Variants in SMO observed in about 807,000 individuals in gnomAD.
SMO encodes the protein protein smoothened.
SMO carries 40 observed loss-of-function variants against 81.6 expected under a neutral mutation model. The ratio of observed to expected loss-of-function variants is 0.49; its 90% CI spans 0.38 to 0.64. The LOEUF (loss-of-function observed/expected upper bound fraction) is 0.64. SMO is among the 30% of genes least tolerant of loss of function. The pLI is 0.00. For synonymous variants in SMO, 434 were observed against 432.1 expected (o/e 1.00, Z -0.05); for missense variants, 916 against 1,061.1 (o/e 0.86, Z 1.90).
intron 1 of SMO, among the ~76,000 whole-genome samples, chr7:129,196,390 G>A (rs565800663): frequency 3.4e-4 from 52 of 150,840 alleles, no homozygotes; most frequent in Middle Eastern, 3.4e-3. Flanking sequence ...CTATTGTCCC[G>A]GCTGGTCTTG....
rs905584252 is a variant in SMO at position 129,208,926 on chromosome 7, G to A, written c.1357+75G>A. 12 of 1,003,248 alleles carry A rather than the reference G, an allele frequency of 1.2e-5. No individual in the cohort carries two copies. Among genetic ancestry groups the A allele is most frequent in the Middle Eastern group, 2.2e-4 (1 of 4,616 alleles). 62.1% of individuals were successfully genotyped at this position (1,003,248 alleles called of 1,614,324 possible). ...TGCACCCTCCTGGGGCTATGCGACC[G>A]GCAGGATGCAGTAAGTCAGTGGGAC... On this transcript the variant is annotated intron_variant, in intron 7 of 11. Coordinates refer to ENST00000249373, the MANE Select transcript of SMO (RefSeq NM_005631.5). The surrounding 1 kb of genome is among the most constrained non-coding windows in gnomAD (Gnocchi z 5.2).
At chr7:129,205,872 G>A (rs1793757573) in intron 4 of SMO, 90 bp downstream of exon 4, 5 of 1,202,748 alleles carry the variant, frequency 4.2e-6, no homozygotes, top group Admixed American at 4.1e-5. Flanking sequence ...GTGTAAAACC[G>A]AGATCCAGGG....
rs553472619 is a variant in SMO, at chr7:129,188,791, G to C, written c.-361G>C. 1 of 205,846 alleles carries C rather than the reference G, an allele frequency of 4.9e-6. No individual in the cohort carries two copies. The highest frequency in any genetic ancestry group is 2.3e-5 in the African/African-American group (1 of 43,534). The allele number at this position is 205,846 out of a possible 1,614,324, so 12.8% of individuals were successfully genotyped here. ...CACTCGCACCCCCGGCCCGCGTCTG[G>C]CCTCCCTCGCGGGGCGGGGAGGTGG... is the stretch of plus-strand genomic sequence containing the variant. On this transcript the variant is annotated 5_prime_UTR_variant, in exon 1 of 12. Transcript: ENST00000249373. This position sits in a 1 kb window ranked among gnomAD's most constrained non-coding sequence, Gnocchi z 4.9.
chr7:129,189,141 CG>C lies in SMO; in HGVS notation c.-7del. ...GGCGCCGGGGCTTTTGCTGAGTTGG[CG>C]GGGTTGGCCATGGCCGCTGCCCGCC... On this transcript the variant is annotated 5_prime_UTR_variant, in exon 1 of 12. Coordinates refer to ENST00000249373, the MANE Select transcript of SMO (RefSeq NM_005631.5). The surrounding 1 kb of genome is among the most constrained non-coding windows in gnomAD (Gnocchi z 4.7). 8.4e-7 allele frequency: 1 copy of C among 1,193,868 alleles called. No individual in the cohort carries two copies. Among genetic ancestry groups the C allele is most frequent in the Non-Finnish European group, 1.0e-6 (1 of 959,222 alleles). The allele number at this position is 1,193,868 out of a possible 1,614,324, so 74.0% of individuals were successfully genotyped here.
intron 1 of SMO, among the ~76,000 whole-genome samples, chr7:129,194,136 A>C (rs1234564640): frequency 7.2e-5 from 11 of 152,064 alleles, no homozygotes; most frequent in Non-Finnish European, 1.6e-4. Context: ...GTGTGTATGT[A>C]TACACACACA....
intron 6 of SMO, among the ~76,000 whole-genome samples, chr7:129,207,645 G>A (rs1793795827): frequency 6.6e-6 from 1 of 152,160 alleles, no homozygotes; most frequent in African/African-American, 2.4e-5. Context: ...TGTAATCCCA[G>A]TACTTTGGGA....
chr7:129,213,259 A>G lies in SMO; in HGVS notation c.*808A>G, dbSNP rs1320225551. ...TGGAGTGGGATAGGAGCAGTGAGTG[A>G]CAAAGCCTCTGAAAGATGCATCATC... On this transcript the variant is annotated 3_prime_UTR_variant, in exon 12 of 12. Coordinates refer to ENST00000249373, the MANE Select transcript of SMO (RefSeq NM_005631.5). The G allele has an allele frequency of 7.3e-5, 17 of 233,204 alleles. No individual in the cohort carries two copies. The highest frequency in any genetic ancestry group is 1.4e-4 in the Non-Finnish European group (16 of 118,110). 14.4% of individuals were successfully genotyped at this position (233,204 alleles called of 1,614,324 possible). A position where few individuals can be genotyped will look rare whatever the true frequency, so the allele number is the denominator to read the frequency against.
chr7:129,193,788 ATATATATATATATAT>A (rs1793522489), intron 1 of SMO, among the ~76,000 whole-genome samples: 2 of 52,958 alleles, frequency 3.8e-5, no homozygotes, highest in African/African-American at 7.2e-5. Context: ...AAAAAAAAAT[ATATATATATATATAT>A]ATATATATAT....
Position 129,206,522 on chromosome 7 carries a change from G to A in SMO, c.1199G>A (p.Arg400His), listed in dbSNP as rs754146515. 11 of 1,614,064 alleles carry A rather than the reference G, an allele frequency of 6.8e-6. No individual in the cohort carries two copies. Among genetic ancestry groups the A allele is most frequent in the Admixed American group, 1.7e-5 (1 of 60,010 alleles). ...GTGGGCTACAAGAACTACCGATACC[G>A]TGCGGGCTTCGTGCTGGCCCCAATC... ...CFVGYKNYRY[R>H]AGFVLAPIGL... The change falls in exon 6 of 12, where the codon CGT (arginine) becomes CAT (histidine). Residue 400 changes from arginine to histidine, a missense_variant. This residue lies in a region of SMO where 436 missense variants were observed against 570.9 expected (regional missense o/e 0.76). Transcript: ENST00000249373. The surrounding 1 kb of genome is among the most constrained non-coding windows in gnomAD (Gnocchi z 4.4).
Position 129,189,565 on chromosome 7 carries a change from T to A in SMO, c.331+83T>A, listed in dbSNP as rs1343989031. The stretch of plus-strand genomic sequence containing the variant: ...CCCTTGGAAAGAACAGGCTCAGGCC[T>A]GAGTTTTGGAGAGGGCGGGGACAGC... On this transcript the variant is annotated intron_variant, in intron 1 of 11. Transcript: ENST00000249373. This position sits in a 1 kb window ranked among gnomAD's most constrained non-coding sequence, Gnocchi z 4.7. 4.1e-6 allele frequency: 6 copies of A among 1,455,680 alleles called. No individual in the cohort carries two copies. The highest frequency in any genetic ancestry group is 5.5e-6 in the Non-Finnish European group (6 of 1,085,222). 90.2% of individuals were successfully genotyped at this position (1,455,680 alleles called of 1,614,324 possible).
chr7:129,208,928 C>G lies in SMO; in HGVS notation c.1357+77C>G. 2 of 982,458 alleles carry G rather than the reference C, an allele frequency of 2.0e-6. No individual in the cohort carries two copies. The highest frequency in any genetic ancestry group is 3.2e-6 in the Non-Finnish European group (2 of 626,142). 60.9% of individuals were successfully genotyped at this position (982,458 alleles called of 1,614,324 possible). A position where few individuals can be genotyped will look rare whatever the true frequency, so the allele number is the denominator to read the frequency against. ...CACCCTCCTGGGGCTATGCGACCGG[C>G]AGGATGCAGTAAGTCAGTGGGACAA... is the stretch of plus-strand genomic sequence containing the variant. On this transcript the variant is annotated intron_variant, in intron 7 of 11. Transcript: ENST00000249373. This position sits in a 1 kb window ranked among gnomAD's most constrained non-coding sequence, Gnocchi z 5.2.
Position 129,212,264 on chromosome 7 carries a change from G to A in SMO, c.2177G>A (p.Arg726Gln), listed in dbSNP as rs142495470. 919 of 1,609,762 alleles carry A rather than the reference G, an allele frequency of 5.7e-4. 2 individuals are homozygous for A. The highest frequency in any genetic ancestry group is 6.5e-4 in the Non-Finnish European group (762 of 1,178,246). ...GCCTGGGGAGCTGGGGACTCTTGCC[G>A]ACAGGGAGCGTGGACCCTGGTCTCC... is the stretch of plus-strand genomic sequence containing the variant. ...AGAWGAGDSC[R>Q]QGAWTLVSNP... The change falls in exon 12 of 12, where the codon CGA (arginine) becomes CAA (glutamine). Residue 726 changes from arginine to glutamine, a missense_variant. Transcript: ENST00000249373. The surrounding 1 kb of genome is among the most constrained non-coding windows in gnomAD (Gnocchi z 5.0).
chr7:129,207,528 A>G (rs1197213864), intron 6 of SMO, among the ~76,000 whole-genome samples: 2 of 152,028 alleles, frequency 1.3e-5, no homozygotes, highest in Non-Finnish European at 2.9e-5. Context: ...TCTTTTTGGC[A>G]TAGTGTCTGG....
intron 6 of SMO, among the ~76,000 whole-genome samples, chr7:129,207,041 C>T (rs941847332): frequency 7.9e-5 from 12 of 152,198 alleles, no homozygotes; most frequent in African/African-American, 2.7e-4. Flanking sequence ...GACGGGGTTT[C>T]ACCATGTTAG....
At position 129,212,203 on chromosome 7, in the gene SMO, C is replaced by T. The variant is rs2150656745; in HGVS notation, c.2116C>T (p.Gln706Ter). The change falls in exon 12 of 12, where the codon CAG becomes TAG. Residue 706 changes from glutamine (Q) to a stop codon, truncating the protein, a stop_gained. Transcript: ENST00000249373. LOFTEE classifies it high-confidence loss of function. This position sits in a 1 kb window ranked among gnomAD's most constrained non-coding sequence, Gnocchi z 5.0. The part of the protein sequence containing the change: ...PAPSTIPRLP[Q>*]LPRQKCLVAA... ...CCCCAGTACCATTCCTCGACTGCCT[C>T]AGCTGCCCCGGCAGAAATGCCTGGT... is the stretch of plus-strand genomic sequence containing the variant. The T allele has an allele frequency of 6.4e-7, 1 of 1,566,602 alleles. No individual in the cohort carries two copies. Among genetic ancestry groups the T allele is most frequent in the Non-Finnish European group, 8.7e-7 (1 of 1,155,436 alleles).
chr7:129,210,405 C>T lies in SMO; in HGVS notation c.1509C>T (p.Pro503=), dbSNP rs2150653718. 1.2e-6 allele frequency: 2 copies of T among 1,614,190 alleles called. No homozygotes were observed. The highest frequency in any genetic ancestry group is 1.7e-6 in the Non-Finnish European group (2 of 1,180,014). ...CCATCGGGCTGCCCACCAAGCAGCCCATCCCTGACTGTGAGATCAAGAATC... is the reference window on the plus strand; with the variant it reads ...CCATCGGGCTGCCCACCAAGCAGCCTATCCCTGACTGTGAGATCAAGAATC... ...NVTIGLPTKQ[P]IPDCEIKNRP... is the part of the protein sequence containing the mutation. Residue 503 remains proline (P), a synonymous_variant, in exon 9 of 12, where the codon CCC becomes CCT. Coordinates refer to ENST00000249373, the MANE Select transcript of SMO (RefSeq NM_005631.5). This position sits in a 1 kb window ranked among gnomAD's most constrained non-coding sequence, Gnocchi z 4.7.
chr7:129,211,993 C>G lies in SMO; in HGVS notation c.1937-31C>G, dbSNP rs749474968. The G allele has an allele frequency of 6.4e-7, 1 of 1,552,604 alleles. No individual in the cohort carries two copies. The highest frequency in any genetic ancestry group is 1.2e-5 in the South Asian group (1 of 83,144). ...GGGGTGGCATGGACAGAGCCAGGGC[C>G]CCAGGCTCGTGTTGTCTCTCCTCCT... On this transcript the variant is annotated intron_variant, in intron 11 of 11. Coordinates refer to ENST00000249373, the MANE Select transcript of SMO (RefSeq NM_005631.5). The surrounding 1 kb of genome is among the most constrained non-coding windows in gnomAD (Gnocchi z 4.6).
At position 129,205,400 on chromosome 7, in the gene SMO, G is replaced by A. The variant is rs45541540; in HGVS notation, c.735G>A (p.Thr245=). ...TCGGGGCCGTCACGGGCCTCTGCACGCTCTTCACCCTGGTCAGCCGCGGGA... is the reference window on the plus strand; with the variant it reads ...TCGGGGCCGTCACGGGCCTCTGCACACTCTTCACCCTGGTCAGCCGCGGGA... The part of the protein sequence containing the change: ...AAFGAVTGLC[T]LFTLATFVAD... Residue 245 remains threonine, a synonymous_variant, in exon 3 of 12, where the codon ACG becomes ACA. Coordinates refer to ENST00000249373, the MANE Select transcript of SMO (RefSeq NM_005631.5). The A allele has an allele frequency of 5.1e-3, 8,288 of 1,609,842 alleles. 28 individuals carry two copies. The highest frequency in any genetic ancestry group is 6.4e-3 in the Non-Finnish European group (7,558 of 1,178,054).
Position 129,212,655 on chromosome 7 carries a change from A to AG in SMO, c.*207dup. On this transcript the variant is annotated 3_prime_UTR_variant, in exon 12 of 12. Transcript: ENST00000249373. This position sits in a 1 kb window ranked among gnomAD's most constrained non-coding sequence, Gnocchi z 5.0. ...CATCTCCATGGGGAGGCCTCACCCC[A>AG]GGGACAGGGCCCTGGAGCTCAGGGT... 5.0e-6 allele frequency: 3 copies of AG among 600,602 alleles called. No individual in the cohort carries two copies. The South Asian group carries it at 6.2e-5, about 12-fold the overall frequency. 37.2% of individuals were successfully genotyped at this position (600,602 alleles called of 1,614,324 possible). A position where few individuals can be genotyped will look rare whatever the true frequency, so the allele number is the denominator to read the frequency against.
Sources: gnomAD v4.1 joint callset for allele counts (sites outside exome capture counted in the v4.1 genomes callset) on GRCh38, gnomAD v4.1.1 for gene constraint, gnomAD v4.1.1 regional missense constraint, Gnocchi (gnomAD v3.1) non-coding constraint, MANE v1.5 for transcripts, NCBI Gene and HGNC (gene_info 2026-07-23, HGNC 2026-07-21) for gene names.